ARHGAP23: variants seen among roughly 807,000 people sequenced by gnomAD.
ARHGAP23 encodes rho GTPase-activating protein 23.
A neutral mutation model predicts 136.3 loss-of-function variants in ARHGAP23; 34 were observed. The ratio of observed to expected loss-of-function variants is 0.25; its 90% confidence interval spans 0.19 to 0.33. The LOEUF is 0.33. ARHGAP23 is among the 10% of genes least tolerant of loss of function. ARHGAP23 has a pLI of 1.00. For missense variants in ARHGAP23, 1,808 were observed against 2,139.0 expected (o/e 0.85, Z 3.05); for synonymous variants, 832 against 920.5 (o/e 0.90, Z 1.74).
In ARHGAP23 at chr17:38,511,299, C is replaced by T. The variant is rs1432931861; in HGVS notation, c.*327C>T. On this transcript the variant is annotated 3_prime_UTR_variant, in exon 24 of 24. Coordinates refer to ENST00000622683, the MANE Select transcript of ARHGAP23 (RefSeq NM_001199417.2). ...GGCTGCACTTGGGGACCCTTGTGGA[C>T]CATGGGGTGTGGCTAGGGAACCCCT... is the stretch of plus-strand genomic sequence containing the variant. 4 of 318,692 alleles carry T rather than the reference C, an allele frequency of 1.3e-5. No individual in the cohort carries two copies. The highest frequency in any genetic ancestry group is 8.6e-5 in the African/African-American group (4 of 46,390). The allele number at this position is 318,692 out of a possible 1,614,324, so 19.7% of individuals were successfully genotyped here.
chr17:38,448,861 T>TC (rs1401107639), intron 1 of ARHGAP23, among the ~76,000 whole-genome samples: 1 of 146,680 alleles, frequency 6.8e-6, no homozygotes, highest in African/African-American at 2.6e-5. Context: ...GCCCAGCCTT[T>TC]TTTTTTTTTT....
At chr17:38,484,183 G>A (rs990509874) in intron 16 of ARHGAP23, among the ~76,000 whole-genome samples, 5 of 152,132 alleles carry the variant, frequency 3.3e-5, no homozygotes, top group Non-Finnish European at 7.4e-5. Context: ...GGACTTGGTG[G>A]TCTCAGGGGA....
chr17:38,486,031 G>A (rs1229431620), intron 16 of ARHGAP23, 31 bp from the exon 17 acceptor site: 2 of 1,546,336 alleles, frequency 1.3e-6, no homozygotes, highest in Non-Finnish European at 8.7e-7. Flanking sequence ...GGCTGGGCCT[G>A]CCTGTGCCTG....
chr17:38,505,157 A>G (rs931551172), intron 23 of ARHGAP23, among the ~76,000 whole-genome samples: 1 of 149,888 alleles, frequency 6.7e-6, no homozygotes, highest in African/African-American at 2.5e-5. Context: ...GGCACACACC[A>G]CCACTCCTGC....
intron 23 of ARHGAP23, among the ~76,000 whole-genome samples, chr17:38,507,277 A>AATAATAATAATC (rs1356991334): frequency 1.1e-4 from 1 of 9,234 alleles, no homozygotes; most frequent in Non-Finnish European, 2.1e-4. Flanking sequence ...TCCGTCTCAA[A>AATAATAATAATC]ATAATAATAA....
rs540578297 is a variant in ARHGAP23, at chr17:38,480,408, C to T, written c.2629+525C>T. Among the ~76,000 whole-genome samples the T allele has an allele frequency of 1.2e-4, 19 of 152,122 alleles. No individual in the cohort carries two copies. The South Asian group carries it at 1.7e-3, about 13-fold the overall frequency. Reference sequence around the variant, plus strand: ...CAGCACTTTGGGAGGCCGAGGTGGGCGGATCACGAGGTCAGGAGATCGAGA... The same window carrying T: ...CAGCACTTTGGGAGGCCGAGGTGGGTGGATCACGAGGTCAGGAGATCGAGA... On this transcript the variant is annotated intron_variant, in intron 14 of 23. Coordinates refer to ENST00000622683, the MANE Select transcript of ARHGAP23 (RefSeq NM_001199417.2).
At chr17:38,493,861 G>T (rs1373443237) in intron 20 of ARHGAP23, among the ~76,000 whole-genome samples, 4 of 152,226 alleles carry the variant, frequency 2.6e-5, no homozygotes, top group Non-Finnish European at 5.9e-5. Flanking sequence ...AAGTTGCCAG[G>T]AGCCCCTACC....
chr17:38,453,095 G>T (rs1456701620), intron 1 of ARHGAP23, among the ~76,000 whole-genome samples: 1 of 152,224 alleles, frequency 6.6e-6, no homozygotes, highest in East Asian at 1.9e-4. Context: ...ATGTTGTGGG[G>T]GTCCCTGTGG....
intron 1 of ARHGAP23, among the ~76,000 whole-genome samples, chr17:38,456,305 G>C (rs1440221248): frequency 1.3e-5 from 2 of 152,180 alleles, no homozygotes; most frequent in African/African-American, 4.8e-5. Context: ...CCCTCCACTG[G>C]GTGTGTGGAC....
chr17:38,429,295 A>C (rs747563660), intron 1 of ARHGAP23, among the ~76,000 whole-genome samples: 6 of 152,234 alleles, frequency 3.9e-5, no homozygotes, highest in Non-Finnish European at 8.8e-5. Flanking sequence ...AGGGGCCAGC[A>C]GGGGCCTCCC....
chr17:38,503,109 T>C (rs913630174), intron 23 of ARHGAP23, among the ~76,000 whole-genome samples: 2 of 152,178 alleles, frequency 1.3e-5, no homozygotes, highest in African/African-American at 4.8e-5. Context: ...CCAATGGGAA[T>C]GATCCAGGTG....
chr17:38,463,829 G>A (rs556271530), intron 6 of ARHGAP23, among the ~76,000 whole-genome samples: 1 of 152,190 alleles, frequency 6.6e-6, no homozygotes, highest in Non-Finnish European at 1.5e-5. Context: ...GCAGTACACA[G>A]CCACACAGCA....
At chr17:38,461,065 C>T (rs2039449681) in intron 3 of ARHGAP23, 133 bp downstream of exon 3, 3 of 1,459,762 alleles carry the variant, frequency 2.1e-6, no homozygotes, top group Admixed American at 2.3e-5. Context: ...GCCTTTGCTC[C>T]TGTCTGTGCC....
Position 38,510,609 on chromosome 17 carries a change from G to A in ARHGAP23, c.4113G>A (p.Ala1371=), listed in dbSNP as rs535700675. 2 of 1,296,914 alleles carry A rather than the reference G, an allele frequency of 1.5e-6. No homozygotes were observed. Among genetic ancestry groups the A allele is most frequent in the African/African-American group, 1.6e-5 (1 of 64,188 alleles). 80.3% of individuals were successfully genotyped at this position (1,296,914 alleles called of 1,614,324 possible). The stretch of plus-strand genomic sequence containing the variant: ...CCTCCCGGCCCTCGCGCATGGAGGC[G>A]CTGCGTCTAAGGCTCCGCGGCACGG... ...ALASRPSRME[A]LRLRLRGTAD... Residue 1371 remains alanine, a synonymous_variant, in exon 24 of 24, where the codon GCG becomes GCA. Transcript: ENST00000622683. The surrounding 1 kb of genome is among the most constrained non-coding windows in gnomAD (Gnocchi z 4.6).
intron 1 of ARHGAP23, among the ~76,000 whole-genome samples, chr17:38,440,714 C>T (rs1044304635): frequency 6.6e-6 from 1 of 152,222 alleles, no homozygotes; most frequent in African/African-American, 2.4e-5. Context: ...TGGGGGCACA[C>T]AAGTGGCCGG....
At chr17:38,447,657 G>A (rs762386597) in intron 1 of ARHGAP23, among the ~76,000 whole-genome samples, 2 of 152,112 alleles carry the variant, frequency 1.3e-5, no homozygotes, top group Non-Finnish European at 2.9e-5. Context: ...CTGATGTGGG[G>A]CAAAAATCCC....
chr17:38,504,978 C>CTTTTTTTTTT lies in ARHGAP23; in HGVS notation c.3447+4386_3447+4395dup, dbSNP rs71138627. ...ATTACTCAGAAGCCTCCCTTATCATCTTTTTTTTTTTTTTTTTTTTTTTTT... is the reference window on the plus strand; with the variant it reads ...ATTACTCAGAAGCCTCCCTTATCATCTTTTTTTTTTTTTTTTTTTTTTTTTTTTTTTTTTT... On this transcript the variant is annotated intron_variant, in intron 23 of 23. Transcript: ENST00000622683. Among the ~76,000 whole-genome samples the CTTTTTTTTTT allele has an allele frequency of 1.0e-3, 45 of 43,166 alleles. 15 individuals carry two copies. Among genetic ancestry groups the CTTTTTTTTTT allele is most frequent in the Non-Finnish European group, 2.0e-3 (41 of 20,290 alleles). 28.3% of individuals were successfully genotyped at this position (43,166 alleles called of 152,430 possible). A position where few individuals can be genotyped will look rare whatever the true frequency, so the allele number is the denominator to read the frequency against.
intron 3 of ARHGAP23, among the ~76,000 whole-genome samples, chr17:38,462,110 G>A (rs552132043): frequency 1.0e-3 from 151 of 148,064 alleles, no homozygotes; most frequent in African/African-American, 3.6e-3. Flanking sequence ...CCGCCACCGC[G>A]CCCGGCTAAT....
chr17:38,434,196 C>T (rs186040705), intron 1 of ARHGAP23, among the ~76,000 whole-genome samples: 50 of 152,222 alleles, frequency 3.3e-4, no homozygotes, highest in African/African-American at 1.2e-3. Context: ...ACTAGTAATT[C>T]CCTGTCCCGC....
Sources: gnomAD v4.1 joint callset for allele counts (sites outside exome capture counted in the v4.1 genomes callset) on GRCh38, gnomAD v4.1.1 for gene constraint, Gnocchi (gnomAD v3.1) non-coding constraint, MANE v1.5 for transcripts, NCBI Gene and HGNC (gene_info 2026-07-23, HGNC 2026-07-21) for gene names.